The following SAMMSON variants were observed in gnomAD, a reference collection of about 807,000 sequenced individuals.
SAMMSON encodes the protein survival associated mitochondrial melanoma specific oncogenic non-coding RNA, also known as long intergenic non-protein coding RNA 1212.
At chr3:70,218,050 T>G (rs1339012289) in intron 4 of SAMMSON, among the ~76,000 whole-genome samples, 1 of 152,114 alleles carries the variant, frequency 6.6e-6, no homozygotes, top group Non-Finnish European at 1.5e-5. Context: ...TTAAACTCCT[T>G]TTGCCCACTC....
At chr3:70,386,402 T>C (rs1372794035) in intron 9 of SAMMSON, among the ~76,000 whole-genome samples, 1 of 152,068 alleles carries the variant, frequency 6.6e-6, no homozygotes, top group Non-Finnish European at 1.5e-5. Flanking sequence ...ATCTCATTTA[T>C]GAAGAGATTT....
Position 70,409,229 on chromosome 3 carries a change from C to G in SAMMSON, n.233+50905C>G, listed in dbSNP as rs565906254. ...CTGTATTCTGATGACTCAACATAATCATTGATACCAACCATTATTTTATTT... is the reference window on the plus strand; with the variant it reads ...CTGTATTCTGATGACTCAACATAATGATTGATACCAACCATTATTTTATTT... On this transcript the variant is annotated intron_variant and non_coding_transcript_variant, in intron 2 of 3. Transcript: ENST00000641053. Among the ~76,000 whole-genome samples the G allele has an allele frequency of 1.6e-4, 24 of 152,250 alleles. No individual in the cohort carries two copies. In the East Asian group the frequency reaches 4.6e-3, roughly 29 times the overall value.
intron 7 of SAMMSON, among the ~76,000 whole-genome samples, chr3:70,350,542 A>G (rs1450343973): frequency 1.3e-5 from 2 of 152,092 alleles, no homozygotes; most frequent in Admixed American, 6.6e-5. Context: ...ATAATTCCAT[A>G]TATAATATTT....
At chr3:70,177,666 A>G (rs1701018042) in intron 4 of SAMMSON, among the ~76,000 whole-genome samples, 1 of 152,148 alleles carries the variant, frequency 6.6e-6, no homozygotes, top group East Asian at 1.9e-4. Context: ...ACAATATGCT[A>G]ATTGCTTTAC....
rs539193755 is a variant in SAMMSON at position 70,370,714 on chromosome 3, T to C, written n.913+12390T>C. Reference sequence around the variant, plus strand: ...TTGAGTTCCTTGTATATCCTGCATATTAGTCCTTTGTCAGATAGATAGTTT... The same window carrying C: ...TTGAGTTCCTTGTATATCCTGCATACTAGTCCTTTGTCAGATAGATAGTTT... On this transcript the variant is annotated intron_variant and non_coding_transcript_variant, in intron 9 of 9. Coordinates refer to ENST00000642114, the Ensembl canonical transcript of SAMMSON. 5.9e-5 allele frequency among the ~76,000 whole-genome samples: 9 copies of C among 152,266 alleles called. No individual in the cohort carries two copies. The South Asian group carries it at 1.7e-3, about 28-fold the overall frequency.
chr3:70,024,473 A>G (rs2067029478), intron 3 of SAMMSON, among the ~76,000 whole-genome samples: 2 of 152,170 alleles, frequency 1.3e-5, no homozygotes, highest in African/African-American at 4.8e-5. Flanking sequence ...ATACCACCAA[A>G]TGAAATGTAG....
intron 4 of SAMMSON, among the ~76,000 whole-genome samples, chr3:70,137,294 T>C (rs962484144): frequency 6.6e-6 from 1 of 152,208 alleles, no homozygotes; most frequent in African/African-American, 2.4e-5. Context: ...AAAAAACTCC[T>C]CGATAGTTTA....
chr3:70,386,145 G>A (rs1316346617), intron 9 of SAMMSON, among the ~76,000 whole-genome samples: 1 of 152,100 alleles, frequency 6.6e-6, no homozygotes, highest in Non-Finnish European at 1.5e-5. Flanking sequence ...TGGAAAACAT[G>A]AGTGAAAATC....
At chr3:70,061,032 G>A (rs760030931) in intron 3 of SAMMSON, among the ~76,000 whole-genome samples, 8 of 152,020 alleles carry the variant, frequency 5.3e-5, no homozygotes, top group Non-Finnish European at 1.2e-4. Flanking sequence ...TGAAAATGGA[G>A]GAAAAAGGAT....
chr3:70,394,330 A>G (rs1047039166), downstream of SAMMSON, among the ~76,000 whole-genome samples: 1 of 152,062 alleles, frequency 6.6e-6, no homozygotes, highest in Non-Finnish European at 1.5e-5. Context: ...GCATTTTTCT[A>G]GTATTGTCTA....
intron 2 of SAMMSON, among the ~76,000 whole-genome samples, chr3:70,409,851 G>C (rs1180862155): frequency 1.3e-5 from 2 of 152,028 alleles, no homozygotes; most frequent in Non-Finnish European, 2.9e-5. Flanking sequence ...TAGATCGAAG[G>C]GGTACATGTC....
At chr3:70,370,949 G>A (rs1702963615) in intron 9 of SAMMSON, among the ~76,000 whole-genome samples, 1 of 151,986 alleles carries the variant, frequency 6.6e-6, no homozygotes, top group Non-Finnish European at 1.5e-5. Flanking sequence ...ATAGTTTTGG[G>A]TCTTAAGTTT....
chr3:70,373,809 T>C (rs975333045), intron 9 of SAMMSON, among the ~76,000 whole-genome samples: 10 of 152,194 alleles, frequency 6.6e-5, no homozygotes, highest in African/African-American at 2.4e-4. Flanking sequence ...ATTTGGTTCT[T>C]CTTTATATCT....
At chr3:70,132,514 A>G (rs928385889) in intron 4 of SAMMSON, among the ~76,000 whole-genome samples, 2 of 152,048 alleles carry the variant, frequency 1.3e-5, no homozygotes, top group African/African-American at 4.8e-5. Flanking sequence ...ATCAACATAT[A>G]TCCTTGTCTT....
At chr3:70,340,643 A>T (rs1397241050) in intron 7 of SAMMSON, among the ~76,000 whole-genome samples, 1 of 152,238 alleles carries the variant, frequency 6.6e-6, no homozygotes. Flanking sequence ...ACCTCTGGAC[A>T]TTGAATATCT....
intron 4 of SAMMSON, among the ~76,000 whole-genome samples, chr3:70,099,952 T>C (rs990260385): frequency 4.6e-5 from 7 of 152,110 alleles, no homozygotes; most frequent in African/African-American, 2.4e-5. Flanking sequence ...AGGAAGAACA[T>C]AGTGCCACAT....
At chr3:70,368,885 A>T (rs944695787) in intron 9 of SAMMSON, among the ~76,000 whole-genome samples, 3 of 151,616 alleles carry the variant, frequency 2.0e-5, no homozygotes, top group Admixed American at 6.6e-5. Context: ...ATTATTGTCA[A>T]TATCTACAAA....
At chr3:70,105,486 G>A (rs376742463) in intron 4 of SAMMSON, among the ~76,000 whole-genome samples, 3 of 152,232 alleles carry the variant, frequency 2.0e-5, no homozygotes, top group Admixed American at 6.5e-5. Context: ...ACCCTGAAGC[G>A]TGACTGCTCC....
intron 7 of SAMMSON, among the ~76,000 whole-genome samples, chr3:70,308,639 A>G (rs1422952785): frequency 6.6e-6 from 1 of 152,182 alleles, no homozygotes; most frequent in Non-Finnish European, 1.5e-5. Flanking sequence ...AGATGAATGA[A>G]TAATAAGGTC....
Sources: gnomAD v4.1 joint callset for allele counts (sites outside exome capture counted in the v4.1 genomes callset) on GRCh38, gnomAD v4.1.1 for gene constraint, MANE v1.5 for transcripts, NCBI Gene and HGNC (gene_info 2026-07-23, HGNC 2026-07-21) for gene names.